Variants in ATP13A5 observed in about 807,000 individuals in gnomAD.
The protein encoded by ATP13A5 is probable cation-transporting ATPase 13A5.
A neutral mutation model predicts 150.2 loss-of-function variants in ATP13A5; 149 were observed. The ratio of observed to expected loss-of-function variants is 0.99; its 90% CI spans 0.87 to 1.14. The LOEUF is 1.14. Ranked by LOEUF, ATP13A5 falls within the 50% of genes most tolerant of loss-of-function variation. The probability of loss-of-function intolerance (pLI) is 0.00; values close to 1 mark genes in which losing one functional copy is unlikely to be tolerated. For missense variants in ATP13A5, 1,383 were observed against 1,449.3 expected (o/e 0.95, Z 0.74); for synonymous variants, 497 against 522.2 (o/e 0.95, Z 0.66).
intron 9 of ATP13A5, 113 bp from the exon 10 acceptor site, chr3:193,335,212 C>T (rs373344978): frequency 3.5e-5 from 32 of 916,344 alleles, no homozygotes; most frequent in East Asian, 1.2e-4. Flanking sequence ...TCTTAATGCC[C>T]ATCCCATGAG....
chr3:193,311,705 AT>A, intron 20 of ATP13A5, 110 bp downstream of exon 20: 1 of 1,450,286 alleles, frequency 6.9e-7, no homozygotes, highest in Non-Finnish European at 9.3e-7. Flanking sequence ...GGGGGTGTTT[AT>A]TCTCTAACTG....
intron 14 of ATP13A5, among the ~76,000 whole-genome samples, chr3:193,324,249 A>T (rs1304590230): frequency 6.6e-6 from 1 of 152,170 alleles, no homozygotes; most frequent in Non-Finnish European, 1.5e-5. Flanking sequence ...AACCAGTTGG[A>T]ATGCAGTCCT....
chr3:193,311,058 A>G (rs1189084386), intron 20 of ATP13A5, among the ~76,000 whole-genome samples: 2 of 152,222 alleles, frequency 1.3e-5, no homozygotes, highest in South Asian at 2.1e-4. Context: ...CACCATCTCC[A>G]TAATCATAGC....
At chr3:193,321,901 A>C (rs1229320238) in intron 15 of ATP13A5, 64 bp from the exon 16 acceptor site, 8 of 1,564,322 alleles carry the variant, frequency 5.1e-6, no homozygotes, top group Non-Finnish European at 7.0e-6. Context: ...AATGCATACC[A>C]ACAAAAGGGC....
intron 5 of ATP13A5, among the ~76,000 whole-genome samples, chr3:193,355,609 C>T (rs1712752460): frequency 6.6e-6 from 1 of 152,102 alleles, no homozygotes; most frequent in South Asian, 2.1e-4. Flanking sequence ...GGACTCAAAC[C>T]GAGGTCTTCT....
chr3:193,298,349 G>T lies in ATP13A5; in HGVS notation c.2848+782C>A, dbSNP rs1718256299. 2.0e-5 allele frequency among the ~76,000 whole-genome samples: 3 copies of T among 151,988 alleles called. No homozygotes were observed. The South Asian group carries it at 6.2e-4, about 32-fold the overall frequency. On this transcript the variant is annotated intron_variant, in intron 25 of 29. Coordinates refer to ENST00000342358, the MANE Select transcript of ATP13A5 (RefSeq NM_198505.4). The stretch of plus-strand genomic sequence containing the variant: ...CTATGAATAGACATTTCAACCCTAA[G>T]AATCAAAATTGATGTTTTAGTGCTT...
intron 21 of ATP13A5, among the ~76,000 whole-genome samples, chr3:193,309,317 T>G (rs976719876): frequency 2.6e-5 from 4 of 152,200 alleles, no homozygotes; most frequent in African/African-American, 9.7e-5. Flanking sequence ...CAACCTAAAA[T>G]AATTCCAGGG....
chr3:193,342,250 T>C (rs1712156789), intron 9 of ATP13A5, among the ~76,000 whole-genome samples: 1 of 152,202 alleles, frequency 6.6e-6, no homozygotes, highest in Admixed American at 6.5e-5. Context: ...ATTTCGTACA[T>C]AGGGAAGAAA....
chr3:193,299,439 C>A (rs1718313735), intron 24 of ATP13A5, among the ~76,000 whole-genome samples: 1 of 152,160 alleles, frequency 6.6e-6, no homozygotes, highest in Non-Finnish European at 1.5e-5. Context: ...TATTTGAGAA[C>A]CACCCTCCTA....
intron 26 of ATP13A5, among the ~76,000 whole-genome samples, chr3:193,287,685 T>C (rs2108824343): frequency 6.6e-6 from 1 of 152,310 alleles, no homozygotes; most frequent in Non-Finnish European, 1.5e-5. Context: ...AGGAAATTAA[T>C]GTTTTCGTGC....
intron 11 of ATP13A5, among the ~76,000 whole-genome samples, chr3:193,333,172 A>AACACACACACACACAC (rs57775933): frequency 1.4e-5 from 2 of 143,190 alleles, no homozygotes; most frequent in African/African-American, 5.1e-5. Flanking sequence ...CACACACACA[A>AACACACACACACACAC]ACACACACAC....
Position 193,331,126 on chromosome 3 carries a change from G to A in ATP13A5, c.1458C>T (p.Asp486=). The change falls in exon 12 of 30, where the codon GAC becomes GAT. Residue 486 remains aspartate (D), a synonymous_variant. Coordinates refer to ENST00000342358, the MANE Select transcript of ATP13A5 (RefSeq NM_198505.4). ...MCGQINLVCF[D]KTGTLTEDGL... ...ACCTGAGAAGTCTGGATCATACTTT[G>A]TCAAAGCACACGAGGTTTATTTGCC... 1 of 1,613,390 alleles carries A rather than the reference G, an allele frequency of 6.2e-7. No homozygotes were observed. The highest frequency in any genetic ancestry group is 8.5e-7 in the Non-Finnish European group (1 of 1,179,586).
At chr3:193,281,520 A>G (rs1195899099) in intron 27 of ATP13A5, among the ~76,000 whole-genome samples, 1 of 152,316 alleles carries the variant, frequency 6.6e-6, no homozygotes, top group Admixed American at 6.5e-5. Flanking sequence ...TGTGTAAGCC[A>G]TTACACTTTA....
chr3:193,364,191 G>C lies in ATP13A5; in HGVS notation c.153C>G (p.Phe51Leu). The C allele has an allele frequency of 6.2e-7, 1 of 1,614,092 alleles. No homozygotes were observed. Among genetic ancestry groups the C allele is most frequent in the Non-Finnish European group, 8.5e-7 (1 of 1,179,990 alleles). ...ACACTCTCCACTGGGGTCTCCAGTA[G>C]AACACCAGCAGAAGGCCCCCACAGG... ...VLTCGGLLLV[F>L]YWRPQWRVWA... The change falls in exon 2 of 30, where the codon TTC becomes TTG. Residue 51 changes from phenylalanine (F) to leucine (L), a missense_variant. By Grantham distance (22) the Phe-to-Leu change is conservative. Coordinates refer to ENST00000342358, the MANE Select transcript of ATP13A5 (RefSeq NM_198505.4).
chr3:193,335,477 A>G (rs1711818346), intron 9 of ATP13A5, among the ~76,000 whole-genome samples: 1 of 152,034 alleles, frequency 6.6e-6, no homozygotes, highest in Non-Finnish European at 1.5e-5. Flanking sequence ...CTTTGCATTC[A>G]CTCATTTATT....
rs558545974 is a variant in ATP13A5, at chr3:193,281,202, C to A, written c.3227-1748G>T. 277 of 985,236 alleles carry A rather than the reference C, an allele frequency of 2.8e-4. No individual in the cohort carries two copies. The African/African-American group carries it at 4.7e-3, about 17-fold the overall frequency. 61.0% of individuals were successfully genotyped at this position (985,236 alleles called of 1,614,324 possible). On this transcript the variant is annotated intron_variant, in intron 27 of 29. Transcript: ENST00000342358. ...TTCATTTACTTCATGGATTTGGAGT[C>A]CCAGGAACGCAGAAGCTGGGAAGAA...
At chr3:193,295,606 A>G (rs1718136613) in intron 25 of ATP13A5, among the ~76,000 whole-genome samples, 1 of 152,118 alleles carries the variant, frequency 6.6e-6, no homozygotes, top group Non-Finnish European at 1.5e-5. Flanking sequence ...TGAGAGATGA[A>G]CACTTGTATA....
intron 2 of ATP13A5, among the ~76,000 whole-genome samples, chr3:193,363,720 C>A (rs1713129022): frequency 6.6e-6 from 1 of 152,176 alleles, no homozygotes; most frequent in African/African-American, 2.4e-5. Flanking sequence ...AAAGTGACAT[C>A]TAGGTGCTTA....
Position 193,274,988 on chromosome 3 carries a change from G to A in ATP13A5, c.*54C>T, listed in dbSNP as rs1717117141. The A allele has an allele frequency of 6.3e-7, 1 of 1,597,186 alleles. No homozygotes were observed. Among genetic ancestry groups the A allele is most frequent in the African/African-American group, 1.3e-5 (1 of 74,398 alleles). On this transcript the variant is annotated 3_prime_UTR_variant, in exon 30 of 30. Transcript: ENST00000342358. ...GAGTATCATCACTTCTCCACAATGT[G>A]TTAATTTTGGGGAAAAAAGCAATGC... is the stretch of plus-strand genomic sequence containing the variant.
Sources: gnomAD v4.1 joint callset for allele counts (sites outside exome capture counted in the v4.1 genomes callset) on GRCh38, gnomAD v4.1.1 for gene constraint, MANE v1.5 for transcripts, NCBI Gene and HGNC (gene_info 2026-07-23, HGNC 2026-07-21) for gene names.